Variants in AFG2A observed in about 807,000 individuals in gnomAD.
AFG2A encodes the protein ATPase family gene 2 protein homolog A.
the AFG2A span, among the ~76,000 whole-genome samples, chr4:123,243,015 A>G: frequency 1.3e-5 from 2 of 152,268 alleles, no homozygotes; most frequent in Non-Finnish European, 2.9e-5. Flanking sequence ...ATCACTGGCC[A>G]TCAGAGAAAT....
At chr4:123,040,310 A>G in the AFG2A span, among the ~76,000 whole-genome samples, 5 of 152,118 alleles carry the variant, frequency 3.3e-5, no homozygotes, top group African/African-American at 1.2e-4. Flanking sequence ...TTTTGATCTT[A>G]TAGACAAAAG....
the AFG2A span, among the ~76,000 whole-genome samples, chr4:123,107,032 A>G: frequency 6.6e-6 from 1 of 152,020 alleles, no homozygotes. Flanking sequence ...CACATCTTCC[A>G]CTCTGTGCAC....
At chr4:123,201,383 C>T in the AFG2A span, among the ~76,000 whole-genome samples, 1 of 152,166 alleles carries the variant, frequency 6.6e-6, no homozygotes, top group African/African-American at 2.4e-5. Flanking sequence ...TGTTTCAGAA[C>T]ATCGACAAAA....
chr4:123,120,937 G>A, the AFG2A span, among the ~76,000 whole-genome samples: 2 of 152,072 alleles, frequency 1.3e-5, no homozygotes, highest in African/African-American at 2.4e-5. Context: ...TCCTACAGGG[G>A]ATATTCCATA....
At chr4:123,013,218 T>C in the AFG2A span, among the ~76,000 whole-genome samples, 2 of 152,128 alleles carry the variant, frequency 1.3e-5, no homozygotes, top group South Asian at 4.2e-4. Context: ...TTTCACAAGG[T>C]AATGTCATCA....
chr4:123,236,064 G>A, the AFG2A span, among the ~76,000 whole-genome samples: 1 of 152,076 alleles, frequency 6.6e-6, no homozygotes, highest in African/African-American at 2.4e-5. Context: ...AGATACCTAG[G>A]AGTAAATGCC....
chr4:122,969,422 C>T, the AFG2A span, among the ~76,000 whole-genome samples: 1 of 152,102 alleles, frequency 6.6e-6, no homozygotes, highest in African/African-American at 2.4e-5. Context: ...TCTGCTCTGC[C>T]TCAATGGTCT....
the AFG2A span, among the ~76,000 whole-genome samples, chr4:123,253,961 T>C: frequency 6.6e-6 from 1 of 152,192 alleles, no homozygotes; most frequent in Admixed American, 6.5e-5. Context: ...ATCTGATAAC[T>C]AATGATGTTA....
At chr4:123,095,042 A>AAAAATAT in the AFG2A span, among the ~76,000 whole-genome samples, 5 of 114,114 alleles carry the variant, frequency 4.4e-5, no homozygotes, top group African/African-American at 1.5e-4. Flanking sequence ...AAAAAAAAAA[A>AAAAATAT]ATATATATAT....
the AFG2A span, among the ~76,000 whole-genome samples, chr4:123,245,806 A>T: frequency 2.6e-5 from 4 of 152,230 alleles, no homozygotes; most frequent in Non-Finnish European, 5.9e-5. Context: ...ATACGCTAAC[A>T]TGTTGACATA....
At chr4:123,103,800 T>TA in the AFG2A span, among the ~76,000 whole-genome samples, 8 of 152,260 alleles carry the variant, frequency 5.3e-5, no homozygotes, top group South Asian at 1.7e-3. Flanking sequence ...TACAGTGAAA[T>TA]ACTACTCAGT....
the AFG2A span, among the ~76,000 whole-genome samples, chr4:122,935,494 A>T: frequency 1.3e-5 from 2 of 151,130 alleles, no homozygotes; most frequent in Admixed American, 6.6e-5. Flanking sequence ...TTTAACCAAC[A>T]TGCTTCCTCT....
the AFG2A span, among the ~76,000 whole-genome samples, chr4:123,313,569 G>A: frequency 6.6e-6 from 1 of 152,172 alleles, no homozygotes; most frequent in Admixed American, 6.5e-5. Context: ...TTAAAAGTAT[G>A]TGCGTGCACA....
At chr4:123,023,862 C>T in the AFG2A span, among the ~76,000 whole-genome samples, 1 of 152,064 alleles carries the variant, frequency 6.6e-6, no homozygotes, top group Non-Finnish European at 1.5e-5. Flanking sequence ...CGAGTTGTCA[C>T]AGATCTCATT....
chr4:123,031,545 C>T, the AFG2A span, among the ~76,000 whole-genome samples: 3 of 152,194 alleles, frequency 2.0e-5, no homozygotes, highest in African/African-American at 7.2e-5. Context: ...TTGTTTTCTA[C>T]AAGCTTTAAG....
At chr4:122,970,605 C>T in the AFG2A span, among the ~76,000 whole-genome samples, 16 of 150,128 alleles carry the variant, frequency 1.1e-4, no homozygotes, top group African/African-American at 3.7e-4. Flanking sequence ...TATACAAATA[C>T]CATTGTGTTA....
At chr4:123,311,672 T>C in the AFG2A span, among the ~76,000 whole-genome samples, 13 of 144,136 alleles carry the variant, frequency 9.0e-5, no homozygotes, top group Admixed American at 3.4e-4. Context: ...AGAAAATCTA[T>C]AGAAGCAAAT....
the AFG2A span, among the ~76,000 whole-genome samples, chr4:123,146,576 G>A: frequency 1.3e-5 from 2 of 152,140 alleles, no homozygotes; most frequent in Non-Finnish European, 2.9e-5. Flanking sequence ...TCAAAATTAA[G>A]CTCTCTGTTT....
the AFG2A span, among the ~76,000 whole-genome samples, chr4:123,026,623 A>G: frequency 9.9e-5 from 15 of 152,198 alleles, no homozygotes; most frequent in Admixed American, 1.3e-4. Context: ...TTTGTACTGT[A>G]CTTATGTTAT....
Sources: gnomAD v4.1 joint callset for allele counts (sites outside exome capture counted in the v4.1 genomes callset) on GRCh38, gnomAD v4.1.1 for gene constraint, MANE v1.5 for transcripts, NCBI Gene and HGNC (gene_info 2026-07-23, HGNC 2026-07-21) for gene names.